The following RP1L1 variants were observed in gnomAD, a reference collection of about 807,000 sequenced individuals.
RP1L1 encodes retinitis pigmentosa 1-like 1 protein.
A neutral mutation model predicts 15.7 loss-of-function variants in RP1L1; 27 were observed. The observed-to-expected ratio is 1.72, with a 90% CI of 1.27 to 2.38. RP1L1 has a LOEUF of 2.38. Among genes scored for constraint, RP1L1 ranks in the 30% most tolerant of loss-of-function variants. The pLI is 0.00. For synonymous variants in RP1L1, 1,813 were observed against 1,276.7 expected (o/e 1.42, Z -8.96); for missense variants, 4,798 against 3,075.9 (o/e 1.56, Z -13.24).
chr8:10,653,298 G>A (rs1172951004), intron 1 of RP1L1, among the ~76,000 whole-genome samples: 10 of 152,156 alleles, frequency 6.6e-5, no homozygotes, highest in Non-Finnish European at 1.3e-4. Flanking sequence ...AGGCCATCGA[G>A]CTGGAAAGAA....
At chr8:10,628,272 C>G (rs992887290) in intron 1 of RP1L1, among the ~76,000 whole-genome samples, 1 of 152,192 alleles carries the variant, frequency 6.6e-6, no homozygotes. Flanking sequence ...TGCTGTCCCT[C>G]AATCTGAGAG....
At chr8:10,645,508 C>T (rs975281199) in intron 1 of RP1L1, among the ~76,000 whole-genome samples, 4 of 152,160 alleles carry the variant, frequency 2.6e-5, no homozygotes, top group Admixed American at 1.3e-4. Context: ...CTTTGGTCCA[C>T]ATCACAGATG....
intron 1 of RP1L1, among the ~76,000 whole-genome samples, chr8:10,653,443 C>T (rs1309776840): frequency 6.6e-6 from 1 of 150,486 alleles, no homozygotes; most frequent in African/African-American, 2.4e-5. Flanking sequence ...CTCCAAAACA[C>T]CAGGTGTCTC....
intron 1 of RP1L1, among the ~76,000 whole-genome samples, chr8:10,649,310 C>G (rs1194181685): frequency 6.6e-6 from 1 of 152,228 alleles, no homozygotes; most frequent in Non-Finnish European, 1.5e-5. Context: ...AGGCATGTGT[C>G]GGGAGCCTAC....
chr8:10,643,356 T>G (rs965763938), intron 1 of RP1L1, among the ~76,000 whole-genome samples: 27 of 152,132 alleles, frequency 1.8e-4, no homozygotes, highest in Admixed American at 5.2e-4. Flanking sequence ...AAAATTGTTT[T>G]AGTATCAGAA....
rs137914071 is a variant in RP1L1, at chr8:10,612,778, G to A, written c.1320C>T (p.His440=). The A allele has an allele frequency of 3.1e-3, 4,940 of 1,609,958 alleles. 36 individuals carry two copies. The highest frequency in any genetic ancestry group is 2.7e-3 in the Non-Finnish European group (3,209 of 1,179,942). Residue 440 remains histidine (H), a synonymous_variant, in exon 4 of 4, where the codon CAC becomes CAT. Transcript: ENST00000382483. ...QHVRCSGLWG[H]GTAGRERCSQ... is the part of the protein sequence containing the mutation. ...TGCATCTCTCCCTCCCGGCAGTCCCGTGGCCCCACAGGCCACTGCAGCGGA... is the reference window on the plus strand; with the variant it reads ...TGCATCTCTCCCTCCCGGCAGTCCCATGGCCCCACAGGCCACTGCAGCGGA...
Position 10,613,122 on chromosome 8 carries a change from T to C in RP1L1, c.976A>G (p.Lys326Glu), listed in dbSNP as rs188580536. The C allele has an allele frequency of 4.8e-5, 78 of 1,613,948 alleles. No homozygotes were observed. In the African/African-American group the frequency reaches 1.0e-3, roughly 21 times the overall value. The change falls in exon 4 of 4, where the codon AAA (lysine) becomes GAA (glutamate). Residue 326 changes from lysine (K) to glutamate (E), a missense_variant. Lys to Glu is a moderately conservative substitution (Grantham distance 56). Coordinates refer to ENST00000382483, the MANE Select transcript of RP1L1 (RefSeq NM_178857.6). ...NEDGSLSVEMKVRFHLVGEDT... is the reference protein window; with the variant it reads ...NEDGSLSVEMEVRFHLVGEDT... ...TCGCCGACCAGGTGGAAGCGGACTT[T>C]CATCTCCACGGACAGGCTGCCGTCC... is the stretch of plus-strand genomic sequence containing the variant.
intron 1 of RP1L1, among the ~76,000 whole-genome samples, chr8:10,631,289 GCA>G (rs1249269265): frequency 7.7e-6 from 1 of 130,026 alleles, no homozygotes; most frequent in Non-Finnish European, 1.6e-5. Flanking sequence ...GCACACACAC[GCA>G]CACAAACACG....
intron 1 of RP1L1, among the ~76,000 whole-genome samples, chr8:10,640,947 T>G (rs1798397917): frequency 1.3e-5 from 2 of 152,228 alleles, no homozygotes; most frequent in South Asian, 4.2e-4. Context: ...ATTTTTGTAT[T>G]TTTTGTAGAG....
In RP1L1 at chr8:10,611,275, A is replaced by G. The variant is rs748236324; in HGVS notation, c.2823T>C (p.Ser941=). ...GGGGCAGAGAGCTGGGTGACACACC[A>G]CTGGCCTCCTCCTGCCCCTGGGGGC... The part of the protein sequence containing the change: ...GGGPQGQEEA[S]GVSPSSLPRS... Residue 941 remains serine, a synonymous_variant, in exon 4 of 4, where the codon AGT becomes AGC. Coordinates refer to ENST00000382483, the MANE Select transcript of RP1L1 (RefSeq NM_178857.6). 6.2e-7 allele frequency: 1 copy of G among 1,612,812 alleles called. No homozygotes were observed. Among genetic ancestry groups the G allele is most frequent in the Admixed American group, 1.7e-5 (1 of 60,014 alleles).
Position 10,622,961 on chromosome 8 carries a change from C to G in RP1L1, c.241G>C (p.Val81Leu). ...RVPLSFGVRSVTTPRGLHSLS... is the reference protein window; with the variant it reads ...RVPLSFGVRSLTTPRGLHSLS... ...CTATGCAGGCCCCGGGGTGTGGTGA[C>G]AGAGCGCACCCCAAAGGAGAGAGGC... is the stretch of plus-strand genomic sequence containing the variant. Residue 81 changes from valine to leucine, a missense_variant, in exon 2 of 4, where the codon GTC (valine) becomes CTC (leucine). Physicochemically the swap from Val to Leu is conservative, Grantham distance 32 (BLOSUM62 1). Coordinates refer to ENST00000382483, the MANE Select transcript of RP1L1 (RefSeq NM_178857.6). 3 of 1,614,114 alleles carry G rather than the reference C, an allele frequency of 1.9e-6. No individual in the cohort carries two copies. Among genetic ancestry groups the G allele is most frequent in the Non-Finnish European group, 2.5e-6 (3 of 1,180,016 alleles).
intron 1 of RP1L1, among the ~76,000 whole-genome samples, chr8:10,625,109 C>T (rs1055536021): frequency 3.3e-5 from 5 of 152,202 alleles, no homozygotes; most frequent in East Asian, 1.9e-4. Context: ...CGCAAAATCG[C>T]GTATCAGTCA....
rs368742662 is a variant in RP1L1 at position 10,607,019 on chromosome 8, C to T, written c.7079G>A (p.Arg2360Lys). ...TTCACTGGCCCCCTGCTCTGGAGTC[C>T]TTGAGCCCAAAGGGGCCTCTTCTTG... ...SEQEEAPLGS[R>K]TPEQGASEGY... is the part of the protein sequence containing the mutation. The change falls in exon 4 of 4, where the codon AGG (arginine) becomes AAG (lysine). Residue 2360 changes from arginine to lysine, a missense_variant. Transcript: ENST00000382483. 1 of 1,614,098 alleles carries T rather than the reference C, an allele frequency of 6.2e-7. No homozygotes were observed. The highest frequency in any genetic ancestry group is 1.7e-5 in the Admixed American group (1 of 60,010).
At chr8:10,651,598 G>A (rs1000981552) in intron 1 of RP1L1, among the ~76,000 whole-genome samples, 1 of 151,730 alleles carries the variant, frequency 6.6e-6, no homozygotes. Context: ...GTGGTGTCAC[G>A]TGCCTGTAGT....
chr8:10,647,124 C>T (rs66547880), intron 1 of RP1L1, among the ~76,000 whole-genome samples: 2 of 152,200 alleles, frequency 1.3e-5, no homozygotes, highest in African/African-American at 4.8e-5. Context: ...GTAAAAGTGG[C>T]TGCGTTTCCA....
intron 1 of RP1L1, among the ~76,000 whole-genome samples, chr8:10,631,812 T>TG (rs1485170614): frequency 2.0e-5 from 3 of 152,142 alleles, no homozygotes; most frequent in Non-Finnish European, 2.9e-5. Flanking sequence ...CGATGGGTCC[T>TG]GGGGGGCTCT....
Position 10,610,336 on chromosome 8 carries a change from C to T in RP1L1, c.3762G>A (p.Gln1254=). Residue 1254 remains glutamine (Q), a synonymous_variant, in exon 4 of 4, where the codon CAG becomes CAA. Coordinates refer to ENST00000382483, the MANE Select transcript of RP1L1 (RefSeq NM_178857.6). ...YESPGDLENQ[Q]QCCFPTFLNA... The stretch of plus-strand genomic sequence containing the variant: ...TCAAGAAGGTTGGGAAACAACACTG[C>T]TGTTGGTTTTCCAGATCCCCTGGGC... The T allele has an allele frequency of 1.2e-6, 2 of 1,614,204 alleles. No homozygotes were observed. Among genetic ancestry groups the T allele is most frequent in the African/African-American group, 1.3e-5 (1 of 75,056 alleles).
chr8:10,627,540 G>A (rs893255486), intron 1 of RP1L1, among the ~76,000 whole-genome samples: 1 of 152,026 alleles, frequency 6.6e-6, no homozygotes, highest in Non-Finnish European at 1.5e-5. Context: ...GGGAGTTCTG[G>A]GGATGGGTGG....
rs62490856 is a variant in RP1L1, at chr8:10,611,520, G to A, written c.2578C>T (p.Arg860Trp). Residue 860 changes from arginine (R) to tryptophan (W), a missense_variant, in exon 4 of 4, where the codon CGG (arginine) becomes TGG (tryptophan). Arg to Trp is a moderately radical substitution (Grantham distance 101, BLOSUM62 -3). Transcript: ENST00000382483. The part of the protein sequence containing the change: ...GRYCPTPPRG[R>W]PCPQRRSSSC... ...GAAGAGCGCCTCTGGGGGCAGGGCC[G>A]CCCCCTGGGCGGGGTGGGACAGTAC... 0.14 allele frequency: 227,507 copies of A among 1,578,904 alleles called. 18,882 individuals carry two copies. Among genetic ancestry groups the A allele is most frequent in the South Asian group, 0.33 (29,175 of 87,790 alleles).
Sources: gnomAD v4.1 joint callset for allele counts (sites outside exome capture counted in the v4.1 genomes callset) on GRCh38, gnomAD v4.1.1 for gene constraint, MANE v1.5 for transcripts, NCBI Gene and HGNC (gene_info 2026-07-23, HGNC 2026-07-21) for gene names.